The following RNF170 variants were observed in gnomAD, a reference collection of about 807,000 sequenced individuals.
RNF170 encodes ring finger protein 170.
Under a neutral mutation model 32.7 loss-of-function variants are expected in RNF170, and 12 were observed. That is an observed-to-expected ratio of 0.37 (90% CI 0.24 to 0.60). The LOEUF is 0.60. Among genes scored for constraint, RNF170 ranks in the 20% least tolerant of loss-of-function variants. The probability of loss-of-function intolerance (pLI) is 0.72; values close to 1 mark genes in which losing one functional copy is unlikely to be tolerated. For missense variants in RNF170, 212 were observed against 311.2 expected (o/e 0.68, Z 2.40); for synonymous variants, 91 against 103.6 (o/e 0.88, Z 0.74).
chr8:42,864,392 C>T (rs139694337), intron 5 of RNF170, among the ~76,000 whole-genome samples: 1,957 of 152,142 alleles, frequency 0.013, 44 homozygotes, highest in African/African-American at 0.044. Context: ...TGAGCTACTG[C>T]GCCCACCCTG....
chr8:42,851,086 G>A (rs941284350), downstream of RNF170: 54 of 1,518,066 alleles, frequency 3.6e-5, no homozygotes, highest in East Asian at 1.3e-3. Flanking sequence ...CAGCCTTCCT[G>A]CTTCTTCAAC....
intron 1 of RNF170, chr8:42,896,135 G>C: frequency 4.7e-6 from 1 of 212,448 alleles, no homozygotes; most frequent in Non-Finnish European, 9.8e-6. Context: ...GGGGTCGGCC[G>C]GTGTCCTTAC....
chr8:42,891,528 C>G (rs796208576), intron 1 of RNF170, among the ~76,000 whole-genome samples: 3 of 152,296 alleles, frequency 2.0e-5, no homozygotes, highest in African/African-American at 7.2e-5. Context: ...CGCACCTTGA[C>G]TAATCAGATC....
chr8:42,887,234 G>C (rs986685371), intron 2 of RNF170, among the ~76,000 whole-genome samples: 1 of 152,172 alleles, frequency 6.6e-6, no homozygotes, highest in African/African-American at 2.4e-5. Context: ...AGAGGTTGTG[G>C]TGAGCTGAGA....
chr8:42,867,176 GAA>G (rs1435677091), intron 4 of RNF170, among the ~76,000 whole-genome samples: 2 of 152,090 alleles, frequency 1.3e-5, no homozygotes, highest in Non-Finnish European at 2.9e-5. Flanking sequence ...ATATTAACTT[GAA>G]ATACAAAAAA....
At chr8:42,883,271 G>T (rs1022685020) in intron 2 of RNF170, among the ~76,000 whole-genome samples, 3 of 151,848 alleles carry the variant, frequency 2.0e-5, no homozygotes, top group African/African-American at 7.3e-5. Context: ...TAAAAGACCT[G>T]CACACACACC....
intron 1 of RNF170, among the ~76,000 whole-genome samples, chr8:42,894,544 A>G (rs1019439683): frequency 5.9e-5 from 9 of 152,200 alleles, no homozygotes; most frequent in African/African-American, 1.7e-4. Flanking sequence ...CAGGAACCAA[A>G]CACAGGCGAG....
At chr8:42,869,866 A>G (rs1283216441) in intron 4 of RNF170, 138 bp downstream of exon 4, 5 of 708,606 alleles carry the variant, frequency 7.1e-6, no homozygotes, top group Admixed American at 4.1e-5. Context: ...TGACAAGTAG[A>G]GCAGGATATC....
intron 2 of RNF170, among the ~76,000 whole-genome samples, chr8:42,881,995 ACAT>A (rs1382140900): frequency 1.3e-5 from 2 of 152,186 alleles, no homozygotes; most frequent in African/African-American, 4.8e-5. Context: ...GTGATGCTGA[ACAT>A]CATTACTCAG....
downstream of RNF170, among the ~76,000 whole-genome samples, chr8:42,852,336 A>C (rs997415795): frequency 6.6e-6 from 1 of 152,226 alleles, no homozygotes; most frequent in Non-Finnish European, 1.5e-5. Context: ...TTACCTGTTG[A>C]ATATAATCCT....
chr8:42,860,585 G>A (rs1174935937), intron 6 of RNF170, among the ~76,000 whole-genome samples: 3 of 151,720 alleles, frequency 2.0e-5, no homozygotes, highest in East Asian at 3.9e-4. Context: ...ACCATACCCA[G>A]CTAATTTTTG....
chr8:42,872,354 G>C (rs567099499), intron 3 of RNF170, among the ~76,000 whole-genome samples: 1 of 152,302 alleles, frequency 6.6e-6, no homozygotes, highest in South Asian at 2.1e-4. Context: ...ATTGTTGTTT[G>C]GGAAATCACT....
intron 2 of RNF170, among the ~76,000 whole-genome samples, chr8:42,874,666 C>T (rs975785043): frequency 1.4e-4 from 21 of 151,664 alleles, no homozygotes; most frequent in Non-Finnish European, 2.6e-4. Context: ...TGCTGGAACC[C>T]GGGAAGCAGA....
chr8:42,891,697 A>C (rs2130189390), intron 1 of RNF170, among the ~76,000 whole-genome samples: 1 of 152,296 alleles, frequency 6.6e-6, no homozygotes, highest in Admixed American at 6.5e-5. Flanking sequence ...CTCAACCTTT[A>C]CACTTAAACT....
At chr8:42,866,078 A>G (rs903495676) in intron 4 of RNF170, among the ~76,000 whole-genome samples, 1 of 152,220 alleles carries the variant, frequency 6.6e-6, no homozygotes, top group African/African-American at 2.4e-5. Flanking sequence ...ACAAAACATT[A>G]TATTTCCTAT....
Position 42,870,114 on chromosome 8 carries a change from T to C in RNF170, c.214-2A>G. On this transcript the variant is annotated splice_acceptor_variant, in intron 3 of 6. Coordinates refer to ENST00000527424, the MANE Select transcript of RNF170 (RefSeq NM_030954.4). LOFTEE classifies it high-confidence loss of function. ...CTGTCGAGTGGCAGCAGGTGCATCC[T>C]AATAAGAACACAGGTGCACACATTG... The C allele has an allele frequency of 6.2e-7, 1 of 1,606,700 alleles. No individual in the cohort carries two copies. Among genetic ancestry groups the C allele is most frequent in the Non-Finnish European group, 8.5e-7 (1 of 1,173,400 alleles).
At chr8:42,886,537 C>T (rs886238435) in intron 2 of RNF170, among the ~76,000 whole-genome samples, 1 of 152,088 alleles carries the variant, frequency 6.6e-6, no homozygotes, top group Admixed American at 6.6e-5. Flanking sequence ...GTGATTCTCA[C>T]GCCTCAGCCG....
intron 6 of RNF170, 37 bp downstream of exon 6, chr8:42,861,708 C>T (rs1316017001): frequency 1.4e-6 from 2 of 1,448,178 alleles, no homozygotes. Flanking sequence ...AGAAATGTGT[C>T]TTCCTCTAAC....
chr8:42,858,856 C>T (rs536245231), intron 6 of RNF170, among the ~76,000 whole-genome samples: 181 of 152,232 alleles, frequency 1.2e-3, no homozygotes, highest in African/African-American at 4.2e-3. Context: ...GATCATGTGG[C>T]GCCCTGTAAG....
Sources: allele counts gnomAD v4.1 joint callset (sites outside exome capture counted in the v4.1 genomes callset), GRCh38; gene constraint gnomAD v4.1.1; transcripts MANE v1.5; gene names NCBI Gene and HGNC (gene_info 2026-07-23, HGNC 2026-07-21).